Variants in B3GALT1 observed in about 807,000 individuals in gnomAD.
B3GALT1 encodes the protein beta-1,3-galactosyltransferase 1.
Under a neutral mutation model 23.2 loss-of-function variants are expected in B3GALT1, and 10 were observed. That is an observed-to-expected ratio of 0.43 (90% confidence interval 0.27 to 0.73). The LOEUF (loss-of-function observed/expected upper bound fraction) is 0.73. Ranked by LOEUF, B3GALT1 falls within the 30% of genes least tolerant of loss-of-function variation. The probability of loss-of-function intolerance (pLI) is 0.21; values close to 1 mark genes in which losing one functional copy is unlikely to be tolerated. For missense variants in B3GALT1, 299 were observed against 405.4 expected (o/e 0.74, Z 2.25); for synonymous variants, 156 against 141.5 (o/e 1.10, Z -0.73).
intron 3 of B3GALT1, among the ~76,000 whole-genome samples, chr2:167,813,446 A>G (rs1322802196): frequency 1.3e-5 from 2 of 152,222 alleles, no homozygotes; most frequent in Non-Finnish European, 2.9e-5. Context: ...AGAATCATCC[A>G]TGCTTGTCTT....
intron 3 of B3GALT1, among the ~76,000 whole-genome samples, chr2:167,814,549 C>T (rs750771756): frequency 6.6e-6 from 1 of 152,014 alleles, no homozygotes; most frequent in Non-Finnish European, 1.5e-5. Flanking sequence ...ATCAGGAGGT[C>T]AGGAGATCGA....
intron 2 of B3GALT1, among the ~76,000 whole-genome samples, chr2:167,637,597 G>A (rs1273152440): frequency 6.6e-6 from 1 of 151,914 alleles, no homozygotes; most frequent in Non-Finnish European, 1.5e-5. Flanking sequence ...ACATTAGAAT[G>A]TATTCCTTCC....
intron 3 of B3GALT1, among the ~76,000 whole-genome samples, chr2:167,724,730 G>C (rs997048846): frequency 6.6e-6 from 1 of 152,154 alleles, no homozygotes; most frequent in African/African-American, 2.4e-5. Flanking sequence ...GATGACAGTG[G>C]CTGGCCCAAA....
At chr2:167,656,956 G>C (rs989647562) in intron 3 of B3GALT1, among the ~76,000 whole-genome samples, 4 of 152,076 alleles carry the variant, frequency 2.6e-5, no homozygotes, top group African/African-American at 4.8e-5. Flanking sequence ...CCACAGTGAA[G>C]AAGCCAGAGC....
intron 4 of B3GALT1, among the ~76,000 whole-genome samples, chr2:167,855,766 C>T (rs2105423409): frequency 6.6e-6 from 1 of 152,212 alleles, no homozygotes; most frequent in South Asian, 2.1e-4. Flanking sequence ...TTCAGTCATA[C>T]TTAGAGACCT....
intron 1 of B3GALT1, among the ~76,000 whole-genome samples, chr2:167,327,550 A>G (rs1444004883): frequency 2.6e-5 from 4 of 152,054 alleles, no homozygotes; most frequent in African/African-American, 9.7e-5. Flanking sequence ...TAGATATGCT[A>G]CTGATTTTTG....
intron 3 of B3GALT1, among the ~76,000 whole-genome samples, chr2:167,788,913 C>G (rs2105327089): frequency 6.6e-6 from 1 of 152,230 alleles, no homozygotes; most frequent in Admixed American, 6.5e-5. Flanking sequence ...TGTCTTCTAC[C>G]CAGCCTAGTC....
At chr2:167,329,770 A>G (rs1574035306) in intron 1 of B3GALT1, among the ~76,000 whole-genome samples, 1 of 150,034 alleles carries the variant, frequency 6.7e-6, no homozygotes, top group East Asian at 1.9e-4. Context: ...CCAAAGAATA[A>G]TTTTGCTGGA....
rs1491439926 is a variant in B3GALT1 at position 167,303,680 on chromosome 2, C to CAG, written c.-511+10347_-511+10348insGA. ...ACACACACACACACACACACACACA[C>CAG]ACAGAGAGAGACCTTGTTGCTGCCA... On this transcript the variant is annotated intron_variant, in intron 1 of 4. Coordinates refer to ENST00000392690, the MANE Select transcript of B3GALT1 (RefSeq NM_020981.4). Among the ~76,000 whole-genome samples the CAG allele has an allele frequency of 1.3e-3, 140 of 106,864 alleles. 1 individual carries two copies. In the Middle Eastern group the frequency reaches 0.028, roughly 21 times the overall value. The allele number at this position is 106,864 out of a possible 152,430, so 70.1% of individuals were successfully genotyped here.
intron 1 of B3GALT1, among the ~76,000 whole-genome samples, chr2:167,296,989 G>A (rs754809658): frequency 5.9e-5 from 9 of 151,968 alleles, no homozygotes; most frequent in Admixed American, 2.0e-4. Flanking sequence ...ACAAATTAAT[G>A]TAAGAATGGA....
At chr2:167,521,893 T>G (rs528212061) in intron 2 of B3GALT1, among the ~76,000 whole-genome samples, 1 of 150,042 alleles carries the variant, frequency 6.7e-6, no homozygotes, top group South Asian at 2.1e-4. Context: ...CATATATTAT[T>G]TAGAAAGATA....
At chr2:167,429,074 T>A (rs1199845169) in intron 1 of B3GALT1, among the ~76,000 whole-genome samples, 33 of 151,812 alleles carry the variant, frequency 2.2e-4, no homozygotes, top group Middle Eastern at 3.4e-3. Flanking sequence ...GGTCAGGAGA[T>A]CGAGACCATC....
At chr2:167,863,434 G>A (rs971081748) in intron 4 of B3GALT1, among the ~76,000 whole-genome samples, 3 of 152,152 alleles carry the variant, frequency 2.0e-5, no homozygotes, top group African/African-American at 4.8e-5. Context: ...TTCCCCGGAA[G>A]CTCAGATGAT....
intron 3 of B3GALT1, among the ~76,000 whole-genome samples, chr2:167,741,860 A>G (rs1384123650): frequency 6.6e-6 from 1 of 152,230 alleles, no homozygotes; most frequent in Non-Finnish European, 1.5e-5. Context: ...TATATAATTC[A>G]GTGCTATGTG....
intron 1 of B3GALT1, among the ~76,000 whole-genome samples, chr2:167,345,652 A>G (rs1373914691): frequency 6.6e-6 from 1 of 152,128 alleles, no homozygotes; most frequent in African/African-American, 2.4e-5. Flanking sequence ...TATTTATTCC[A>G]CAAATATGTG....
At chr2:167,652,686 T>C (rs59633114) in intron 3 of B3GALT1, among the ~76,000 whole-genome samples, 5,914 of 152,254 alleles carry the variant, frequency 0.039, 398 homozygotes, top group African/African-American at 0.13. Context: ...TTAATATTTA[T>C]CTGTGTACTT....
At chr2:167,330,964 T>C (rs1159957248) in intron 1 of B3GALT1, among the ~76,000 whole-genome samples, 3 of 152,268 alleles carry the variant, frequency 2.0e-5, no homozygotes, top group East Asian at 1.9e-4. Context: ...AGTGTTTTTT[T>C]CCCAAATTTT....
intron 3 of B3GALT1, among the ~76,000 whole-genome samples, chr2:167,817,481 T>TTAAG (rs902144209): frequency 2.0e-5 from 3 of 152,204 alleles, no homozygotes; most frequent in African/African-American, 7.2e-5. Flanking sequence ...CCTAGAAAGG[T>TTAAG]TAAGTATCAT....
In B3GALT1 at chr2:167,796,376, G is replaced by A. The variant is rs549697971; in HGVS notation, c.-351-22296G>A. ...ATATCCTTGAAATATTTTTTGGTAA[G>A]AGATGATGTGTCTGAAAATCCAAAA... On this transcript the variant is annotated intron_variant, in intron 3 of 4. Transcript: ENST00000392690. Among the ~76,000 whole-genome samples the A allele has an allele frequency of 3.3e-5, 5 of 152,248 alleles. No homozygotes were observed. The South Asian group carries it at 1.0e-3, about 32-fold the overall frequency.
Sources: allele counts gnomAD v4.1 joint callset (sites outside exome capture counted in the v4.1 genomes callset), GRCh38; gene constraint gnomAD v4.1.1; transcripts MANE v1.5; gene names NCBI Gene and HGNC (gene_info 2026-07-23, HGNC 2026-07-21).